Variants in MAP7D3 observed in about 807,000 individuals in gnomAD.
MAP7D3 encodes the protein MAP7 domain-containing protein 3.
Under a neutral mutation model 62.2 loss-of-function variants are expected in MAP7D3, and 45 were observed. The ratio of observed to expected loss-of-function variants is 0.72; its 90% CI spans 0.57 to 0.93. The LOEUF is 0.93. Among genes scored for constraint, MAP7D3 ranks in the 40% least tolerant of loss-of-function variants. The probability of loss-of-function intolerance (pLI) is 0.00; values close to 1 mark genes in which losing one functional copy is unlikely to be tolerated. For synonymous variants in MAP7D3, 288 were observed against 248.8 expected (o/e 1.16, Z -1.48); for missense variants, 711 against 683.1 (o/e 1.04, Z -0.45).
chrX:136,246,675 C>T (rs1452927948), intron 1 of MAP7D3, among the ~76,000 whole-genome samples: 1 of 111,934 alleles, frequency 8.9e-6, no homozygotes, highest in Non-Finnish European at 1.9e-5. Flanking sequence ...CAAAACATTA[C>T]ACCAAGTGTT....
At chrX:136,242,388 T>C (rs944951012) in intron 4 of MAP7D3, among the ~76,000 whole-genome samples, 8 of 111,200 alleles carry the variant, frequency 7.2e-5, no homozygotes, top group South Asian at 7.8e-4. Flanking sequence ...AGGGCTCACA[T>C]AGAAGTTCCT....
Position 136,230,820 on chromosome X carries a change from T to C in MAP7D3, c.1541+19A>G, listed in dbSNP as rs377254790. On this transcript the variant is annotated intron_variant, in intron 9 of 18. Coordinates refer to ENST00000316077, the MANE Select transcript of MAP7D3 (RefSeq NM_024597.4). ...CTAGTAAAACGCCTATCAGGAACAG[T>C]TGCGAATAAGCTGCTTACTTAGTGC... 6.0e-5 allele frequency: 72 copies of C among 1,197,410 alleles called. No homozygotes were observed. In the African/African-American group the frequency reaches 9.0e-4, roughly 15 times the overall value.
intron 5 of MAP7D3, among the ~76,000 whole-genome samples, 165 bp downstream of exon 5, chrX:136,240,995 G>A (rs139866601): frequency 0.023 from 2,585 of 111,770 alleles, 78 homozygotes; most frequent in African/African-American, 0.079. Context: ...CATTTCACCT[G>A]TTTCTTTTGC....
chrX:136,219,276 T>C (rs2074095640), intron 18 of MAP7D3, 122 bp downstream of exon 18: 2 of 439,238 alleles, frequency 4.6e-6, no homozygotes. Context: ...GACCCACAAC[T>C]GTCTTCTCCT....
At chrX:136,256,421 A>G in exon 1 of MAP7D3, 1 of 877,510 alleles carries the variant, frequency 1.1e-6, no homozygotes, top group Admixed American at 2.7e-5. Flanking sequence ...TTCCTGTGGC[A>G]CAGAGGACCA....
chrX:136,216,359 T>TAAAAAAAAAAAAAAA (rs58245551), downstream of MAP7D3, among the ~76,000 whole-genome samples: 2 of 25,502 alleles, frequency 7.8e-5, no homozygotes, highest in East Asian at 1.6e-3. Context: ...ACCCTATCTC[T>TAAAAAAAAAAAAAAA]AAAAAAAAAA....
Position 136,225,926 on chromosome X carries a change from G to T in MAP7D3, c.2122C>A (p.Arg708=), listed in dbSNP as rs1380173420. ...GCGAGTACCTTTTTCCTTTCTAACC[G>T]TTCTTGTAAATTTTGTAACATAATT... The part of the protein sequence containing the change: ...ERIMLQNLQE[R]LERKKRIEEI... Residue 708 remains arginine (R), a synonymous_variant, in exon 13 of 19, where the codon CGG becomes AGG. Transcript: ENST00000316077. 3.4e-6 allele frequency: 4 copies of T among 1,190,155 alleles called. No homozygotes were observed. In the Middle Eastern group the frequency reaches 7.0e-4, roughly 207 times the overall value.
At chrX:136,219,730 AAAG>A (rs1408780927) in intron 16 of MAP7D3, 59 bp from the exon 17 acceptor site, 9 of 893,568 alleles carry the variant, frequency 1.0e-5, no homozygotes, top group Non-Finnish European at 1.3e-5. Context: ...CTCTGGCCTA[AAAG>A]AAGCTTTGTC....
chrX:136,222,518 C>A, intron 14 of MAP7D3, 32 bp from the exon 15 acceptor site: 1 of 1,045,163 alleles, frequency 9.6e-7, no homozygotes, highest in Non-Finnish European at 1.3e-6. Context: ...TTGATTATGC[C>A]TAATATTCAA....
chrX:136,247,590 A>ATT (rs35551706), intron 1 of MAP7D3, among the ~76,000 whole-genome samples: 21 of 94,314 alleles, frequency 2.2e-4, no homozygotes, highest in African/African-American at 6.6e-4. Flanking sequence ...AAGGATCACC[A>ATT]TTTTTTTTTT....
intron 14 of MAP7D3, among the ~76,000 whole-genome samples, chrX:136,223,530 A>G (rs2074156030): frequency 9.0e-6 from 1 of 110,867 alleles, no homozygotes; most frequent in South Asian, 3.9e-4. Context: ...ATGGAAGAAG[A>G]TACCTGCAAT....
chrX:136,245,530 G>A (rs963251865), intron 3 of MAP7D3, among the ~76,000 whole-genome samples: 23 of 111,177 alleles, frequency 2.1e-4, no homozygotes, highest in Non-Finnish European at 3.2e-4. Flanking sequence ...GGTGGATCAC[G>A]AGGTCAGGAG....
intron 6 of MAP7D3, among the ~76,000 whole-genome samples, chrX:136,238,205 T>C (rs1383890837): frequency 8.9e-6 from 1 of 111,838 alleles, no homozygotes; most frequent in Non-Finnish European, 1.9e-5. Context: ...TGTGTCTTTA[T>C]AGCAGCATGA....
At chrX:136,245,948 T>C (rs2074442967) in intron 3 of MAP7D3, 117 bp downstream of exon 3, 2 of 428,060 alleles carry the variant, frequency 4.7e-6, no homozygotes, top group African/African-American at 2.5e-5. Flanking sequence ...TCCAAAATAA[T>C]ACATAATATA....
chrX:136,240,564 C>T, intron 5 of MAP7D3, 78 bp from the exon 6 acceptor site: 1 of 660,925 alleles, frequency 1.5e-6, no homozygotes, highest in Non-Finnish European at 2.5e-6. Flanking sequence ...AATGAGTTTT[C>T]ATGATATAGT....
chrX:136,250,885 T>TG (rs747634624), intron 1 of MAP7D3, among the ~76,000 whole-genome samples: 1 of 111,397 alleles, frequency 9.0e-6, no homozygotes, highest in East Asian at 2.9e-4. Flanking sequence ...GTGCGTTCGT[T>TG]GGGGCGGTTG....
intron 15 of MAP7D3, 47 bp downstream of exon 15, chrX:136,222,346 C>G: frequency 2.0e-6 from 2 of 990,964 alleles, no homozygotes. Context: ...AGCAGAGGAG[C>G]CCCTGGATAT....
At position 136,236,330 on chromosome X, in the gene MAP7D3, T is replaced by C; in HGVS notation, c.650A>G (p.Asp217Gly). ...LQNSVAKRKT[D>G]KERSSSLNRR... ...ATTTAAAGATGAGCTTCTCTCCTTG[T>C]CTGTTTTCCCTAGAGAGCAAGTACA... Residue 217 changes from aspartate (D) to glycine (G), a missense_variant, in exon 7 of 19, where the codon GAC (aspartate) becomes GGC (glycine). Coordinates refer to ENST00000316077, the MANE Select transcript of MAP7D3 (RefSeq NM_024597.4). 1 of 1,159,198 alleles carries C rather than the reference T, an allele frequency of 8.6e-7. No individual in the cohort carries two copies. The highest frequency in any genetic ancestry group is 1.2e-6 in the Non-Finnish European group (1 of 852,401).
At position 136,231,986 on chromosome X, in the gene MAP7D3, T is replaced by G. The variant is rs1289381166; in HGVS notation, c.971A>C (p.Lys324Thr). Residue 324 changes from lysine (K) to threonine (T), a missense_variant, in exon 8 of 19, where the codon AAG becomes ACG. Physicochemically the swap from Lys to Thr is moderately conservative, Grantham distance 78 (BLOSUM62 -1). Transcript: ENST00000316077. ...CTCAGGGGCCATGCCCACACCTGCC[T>G]TGGGGGACGCTTCCATGCTTGTGTT... The part of the protein sequence containing the change: ...FCNTSMEASP[K>T]AGVGMAPEVS... 2.5e-6 allele frequency: 3 copies of G among 1,209,798 alleles called. No individual in the cohort carries two copies. The African/African-American group carries it at 5.3e-5, about 21-fold the overall frequency.
Sources: allele counts gnomAD v4.1 joint callset (sites outside exome capture counted in the v4.1 genomes callset), GRCh38; gene constraint gnomAD v4.1.1; transcripts MANE v1.5; gene names NCBI Gene and HGNC (gene_info 2026-07-23, HGNC 2026-07-21).